Variants in GLIS2 observed in about 807,000 individuals in gnomAD.
GLIS2 encodes the protein GLIS family zinc finger 2.
In GLIS2, 14 loss-of-function variants were observed where a neutral mutation model predicts 35.6. That is an observed-to-expected ratio of 0.39 (90% CI 0.26 to 0.61). GLIS2 has a LOEUF of 0.61. GLIS2 is among the 20% of genes least tolerant of loss of function. The pLI is 0.48. For missense variants in GLIS2, 675 were observed against 713.4 expected, an observed-to-expected ratio of 0.95 and a Z score of 0.61; for synonymous variants, 368 against 325.1, an observed-to-expected ratio of 1.13 and a Z score of -1.42.
chr16:4,316,074 C>G lies in GLIS2; in HGVS notation c.-247C>G, dbSNP rs1403283182. The stretch of plus-strand genomic sequence containing the variant: ...GGCCCGGCCGCCGCGGCCACCTTCC[C>G]TGCCCGAGCTGCAGATGTGGCGGAG... On this transcript the variant is annotated 5_prime_UTR_variant, in exon 1 of 7. Transcript: ENST00000433375. Among the ~76,000 whole-genome samples, 1 of 145,578 alleles carries G rather than the reference C, an allele frequency of 6.9e-6. No homozygotes were observed. The highest frequency in any genetic ancestry group is 1.5e-5 in the Non-Finnish European group (1 of 65,330).
intron 1 of GLIS2, among the ~76,000 whole-genome samples, chr16:4,317,214 C>T (rs1195912128): frequency 6.6e-6 from 1 of 152,160 alleles, no homozygotes; most frequent in Non-Finnish European, 1.5e-5. Context: ...GGGCCCTGGG[C>T]CCCCAGCCAT....
chr16:4,336,553 C>T (rs1341639544), intron 6 of GLIS2, 172 bp from the exon 7 acceptor site: 7 of 719,752 alleles, frequency 9.7e-6, no homozygotes, highest in South Asian at 1.5e-5. Context: ...AGCCTCTGTG[C>T]CCTGCCTGGG....
At chr16:4,322,112 G>C (rs1468169676) in intron 1 of GLIS2, among the ~76,000 whole-genome samples, 1 of 151,846 alleles carries the variant, frequency 6.6e-6, no homozygotes, top group Non-Finnish European at 1.5e-5. Context: ...TGGTGAGGGA[G>C]GAGCTGGCAC....
chr16:4,332,220 T>C lies in GLIS2; in HGVS notation c.-61T>C. ...CAGCTCCTGTCCTTCCCCAGGTTCCTGCGTGAAGACCAGCTGGGAGCCCAC... is the reference window on the plus strand; with the variant it reads ...CAGCTCCTGTCCTTCCCCAGGTTCCCGCGTGAAGACCAGCTGGGAGCCCAC... On this transcript the variant is annotated 5_prime_UTR_variant, in exon 2 of 7. Coordinates refer to ENST00000433375, the MANE Select transcript of GLIS2 (RefSeq NM_032575.3). This position sits in a 1 kb window ranked among gnomAD's most constrained non-coding sequence, Gnocchi z 5.4. 2 of 1,581,382 alleles carry C rather than the reference T, an allele frequency of 1.3e-6. No individual in the cohort carries two copies. Among genetic ancestry groups the C allele is most frequent in the Admixed American group, 1.8e-5 (1 of 56,316 alleles).
rs2053543882 is a variant in GLIS2, at chr16:4,335,737, A to G, written c.775+344A>G. 1.5e-5 allele frequency: 5 copies of G among 324,512 alleles called. No homozygotes were observed. The East Asian group carries it at 3.1e-4, about 20-fold the overall frequency. The allele number at this position is 324,512 out of a possible 1,614,324, so 20.1% of individuals were successfully genotyped here. A position where few individuals can be genotyped will look rare whatever the true frequency, so the allele number is the denominator to read the frequency against. On this transcript the variant is annotated intron_variant, in intron 6 of 6. Coordinates refer to ENST00000433375, the MANE Select transcript of GLIS2 (RefSeq NM_032575.3). The surrounding 1 kb of genome is among the most constrained non-coding windows in gnomAD (Gnocchi z 4.6). ...CAGGACAGCTCTGGTTGTCAGAGCC[A>G]CAGACATAATTTTACATTTCCTAAT...
chr16:4,321,622 C>T (rs1311790000), intron 1 of GLIS2, among the ~76,000 whole-genome samples: 1 of 152,168 alleles, frequency 6.6e-6, no homozygotes, highest in African/African-American at 2.4e-5. Flanking sequence ...TCTGGGTTCC[C>T]TGCCTCACTG....
At chr16:4,328,584 G>T (rs2053463226) in intron 1 of GLIS2, among the ~76,000 whole-genome samples, 1 of 152,226 alleles carries the variant, frequency 6.6e-6, no homozygotes, top group African/African-American at 2.4e-5. Flanking sequence ...TTTCCCGGGG[G>T]CAGGGACGCA....
intron 1 of GLIS2, among the ~76,000 whole-genome samples, chr16:4,329,606 G>T (rs2053476314): frequency 6.6e-6 from 1 of 152,214 alleles, no homozygotes; most frequent in Non-Finnish European, 1.5e-5. Context: ...AGTCAGGGCA[G>T]AAGGGGAGGA....
intron 1 of GLIS2, among the ~76,000 whole-genome samples, chr16:4,330,085 T>G (rs1038405644): frequency 1.3e-5 from 2 of 152,156 alleles, no homozygotes; most frequent in African/African-American, 4.8e-5. Flanking sequence ...GAGACCAGCC[T>G]GGCCAACATG....
In GLIS2 at chr16:4,335,124, C is replaced by T; in HGVS notation, c.587C>T (p.Pro196Leu). The change falls in exon 5 of 7, where the codon CCC becomes CTC. Residue 196 changes from proline (P) to leucine (L), a missense_variant. Coordinates refer to ENST00000433375, the MANE Select transcript of GLIS2 (RefSeq NM_032575.3). The surrounding 1 kb of genome is among the most constrained non-coding windows in gnomAD (Gnocchi z 4.6). ...VDHVNDYHVK[P>L]EKDAGYCCHW... ...CATGTCAACGATTACCATGTCAAGCCCGAGAAGGATGCGGGGTACTGCTGC... is the reference window on the plus strand; with the variant it reads ...CATGTCAACGATTACCATGTCAAGCTCGAGAAGGATGCGGGGTACTGCTGC... 6.2e-7 allele frequency: 1 copy of T among 1,613,378 alleles called. No individual in the cohort carries two copies. The highest frequency in any genetic ancestry group is 8.5e-7 in the Non-Finnish European group (1 of 1,180,030).
chr16:4,324,026 AT>A (rs2053404963), intron 1 of GLIS2, among the ~76,000 whole-genome samples: 1 of 152,156 alleles, frequency 6.6e-6, no homozygotes, highest in South Asian at 2.1e-4. Flanking sequence ...CAGAAAAAAG[AT>A]CCCTGGCACA....
intron 1 of GLIS2, among the ~76,000 whole-genome samples, chr16:4,329,561 A>G (rs1364692816): frequency 6.6e-6 from 1 of 152,086 alleles, no homozygotes; most frequent in Admixed American, 6.5e-5. Flanking sequence ...ATCTCCAGTG[A>G]AGGGGGGACC....
At chr16:4,330,514 C>T (rs981834296) in intron 1 of GLIS2, among the ~76,000 whole-genome samples, 4 of 152,198 alleles carry the variant, frequency 2.6e-5, no homozygotes, top group South Asian at 2.1e-4. Context: ...CCCTGGCTTG[C>T]GATGCCTCTC....
Position 4,332,042 on chromosome 16 carries a change from G to A in GLIS2, c.-66-173G>A, listed in dbSNP as rs953926105. The stretch of plus-strand genomic sequence containing the variant: ...AAGCAGATGCGGAATCTCTGAGGAG[G>A]CTGTTGGCTCTCCCCCCATGATAGC... On this transcript the variant is annotated intron_variant, in intron 1 of 6. Coordinates refer to ENST00000433375, the MANE Select transcript of GLIS2 (RefSeq NM_032575.3). This position sits in a 1 kb window ranked among gnomAD's most constrained non-coding sequence, Gnocchi z 5.4. 1.3e-5 allele frequency among the ~76,000 whole-genome samples: 2 copies of A among 152,172 alleles called. No homozygotes were observed. The highest frequency in any genetic ancestry group is 2.9e-5 in the Non-Finnish European group (2 of 68,032).
chr16:4,315,805 C>T (rs1210460527), upstream of GLIS2, among the ~76,000 whole-genome samples: 6 of 150,716 alleles, frequency 4.0e-5, no homozygotes, highest in African/African-American at 1.5e-4. Flanking sequence ...GGCCCAGCGC[C>T]GGCTCCCGCC....
intron 1 of GLIS2, among the ~76,000 whole-genome samples, chr16:4,319,682 C>T (rs1253469009): frequency 1.3e-5 from 2 of 152,032 alleles, no homozygotes; most frequent in Admixed American, 6.5e-5. Context: ...CAACAAGCAC[C>T]TCTAGTACTC....
intron 3 of GLIS2, among the ~76,000 whole-genome samples, chr16:4,333,761 G>T (rs1004212917): frequency 6.6e-6 from 1 of 152,106 alleles, no homozygotes; most frequent in African/African-American, 2.4e-5. Flanking sequence ...GCTCTGCCCT[G>T]TCTTCACACG....
Position 4,339,072 on chromosome 16 carries a change from C to G in GLIS2, c.*1548C>G, listed in dbSNP as rs1383330431. On this transcript the variant is annotated 3_prime_UTR_variant, in exon 7 of 7. Coordinates refer to ENST00000433375, the MANE Select transcript of GLIS2 (RefSeq NM_032575.3). ...CCCTCTCCCGGACTGCCCTTCTGTCCCAGAGGGGTCACCCTGACCCGGCCC... is the reference window on the plus strand; with the variant it reads ...CCCTCTCCCGGACTGCCCTTCTGTCGCAGAGGGGTCACCCTGACCCGGCCC... 3.9e-5 allele frequency: 6 copies of G among 152,520 alleles called. No individual in the cohort carries two copies. Among genetic ancestry groups the G allele is most frequent in the Admixed American group, 1.3e-4 (2 of 15,306 alleles). The allele number at this position is 152,520 out of a possible 1,614,324, so 9.4% of individuals were successfully genotyped here.
Position 4,335,746 on chromosome 16 carries a change from A to C in GLIS2, c.775+353A>C. 1 of 303,850 alleles carries C rather than the reference A, an allele frequency of 3.3e-6. No individual in the cohort carries two copies. Among genetic ancestry groups the C allele is most frequent in the African/African-American group, 2.1e-5 (1 of 47,522 alleles). 18.8% of individuals were successfully genotyped at this position (303,850 alleles called of 1,614,324 possible). ...TCTGGTTGTCAGAGCCACAGACATA[A>C]TTTTACATTTCCTAATCGCTGCATA... is the stretch of plus-strand genomic sequence containing the variant. On this transcript the variant is annotated intron_variant, in intron 6 of 6. Transcript: ENST00000433375. This position sits in a 1 kb window ranked among gnomAD's most constrained non-coding sequence, Gnocchi z 4.6.
Sources: gnomAD v4.1 joint callset for allele counts (sites outside exome capture counted in the v4.1 genomes callset) on GRCh38, gnomAD v4.1.1 for gene constraint, Gnocchi (gnomAD v3.1) non-coding constraint, MANE v1.5 for transcripts, NCBI Gene and HGNC (gene_info 2026-07-23, HGNC 2026-07-21) for gene names.